Variants in TTC6 observed in about 807,000 individuals in gnomAD.
TTC6 encodes tetratricopeptide repeat domain 6.
TTC6 carries 172 observed loss-of-function variants against 210.4 expected under a neutral mutation model. That is an observed-to-expected ratio of 0.82 (90% confidence interval 0.72 to 0.93). TTC6 has a LOEUF of 0.93. Among genes scored for constraint, TTC6 ranks in the 40% least tolerant of loss-of-function variants. The probability of loss-of-function intolerance (pLI) is 0.00; values close to 1 mark genes in which losing one functional copy is unlikely to be tolerated. For synonymous variants in TTC6, 804 were observed against 819.6 expected (o/e 0.98, Z 0.32); for missense variants, 2,414 against 2,318.1 (o/e 1.04, Z -0.85).
intron 1 of TTC6, among the ~76,000 whole-genome samples, chr14:37,643,384 G>C (rs551138600): frequency 6.6e-6 from 1 of 152,228 alleles, no homozygotes; most frequent in Admixed American, 6.5e-5. Flanking sequence ...TCTGTGGTGA[G>C]TTTTAGGGTC....
chr14:37,633,873 C>A (rs919478757), intron 1 of TTC6, among the ~76,000 whole-genome samples: 1 of 152,156 alleles, frequency 6.6e-6, no homozygotes, highest in African/African-American at 2.4e-5. Context: ...AACAAGGAGG[C>A]CCCCATCCCT....
At chr14:37,745,238 C>T (rs892455749) in intron 10 of TTC6, among the ~76,000 whole-genome samples, 8 of 152,152 alleles carry the variant, frequency 5.3e-5, no homozygotes, top group African/African-American at 1.9e-4. Flanking sequence ...ACATCTGGAA[C>T]TAAAGCTGTA....
At chr14:37,699,684 G>A (rs917883744) in intron 4 of TTC6, among the ~76,000 whole-genome samples, 1 of 152,166 alleles carries the variant, frequency 6.6e-6, no homozygotes, top group Admixed American at 6.5e-5. Flanking sequence ...CTGGCAGTGA[G>A]GATGGAGAAG....
chr14:37,716,245 T>C (rs1218684593), intron 6 of TTC6, among the ~76,000 whole-genome samples: 2 of 152,026 alleles, frequency 1.3e-5, no homozygotes, highest in Non-Finnish European at 2.9e-5. Context: ...AATTCTAAAA[T>C]ATGTTCAAGT....
At chr14:37,660,243 A>G (rs1438045261) in intron 1 of TTC6, among the ~76,000 whole-genome samples, 1 of 150,842 alleles carries the variant, frequency 6.6e-6, no homozygotes, top group East Asian at 2.0e-4. Context: ...TTTAATTTTT[A>G]GTTCTGGGAT....
At chr14:37,681,960 T>C (rs1382586967) in intron 2 of TTC6, among the ~76,000 whole-genome samples, 1 of 152,150 alleles carries the variant, frequency 6.6e-6, no homozygotes, top group African/African-American at 2.4e-5. Flanking sequence ...GTCATGTAGC[T>C]GTTTGTGGCC....
intron 14 of TTC6, among the ~76,000 whole-genome samples, chr14:37,773,864 C>A (rs1458545756): frequency 3.3e-5 from 5 of 152,130 alleles, no homozygotes; most frequent in African/African-American, 1.2e-4. Flanking sequence ...ACCATTTTAA[C>A]AATGTTGATT....
chr14:37,748,965 G>A (rs1566928679), exon 11 of TTC6: 17 of 1,523,224 alleles, frequency 1.1e-5, no homozygotes, highest in Non-Finnish European at 1.5e-5. Flanking sequence ...ATACTTCCGG[G>A]ACAGAAGAAA....
intron 17 of TTC6, among the ~76,000 whole-genome samples, chr14:37,793,325 T>C (rs1402502883): frequency 6.6e-6 from 1 of 152,176 alleles, no homozygotes; most frequent in Non-Finnish European, 1.5e-5. Flanking sequence ...TCAGCCAGGA[T>C]AAGCTAGGCT....
chr14:37,691,623 G>C (rs2095803740), intron 3 of TTC6, among the ~76,000 whole-genome samples: 1 of 151,884 alleles, frequency 6.6e-6, no homozygotes, highest in Admixed American at 6.6e-5. Context: ...ATCTAATGAT[G>C]GATCTTAAAG....
intron 1 of TTC6, among the ~76,000 whole-genome samples, chr14:37,657,387 CA>C (rs948336357): frequency 7.1e-6 from 1 of 141,498 alleles, no homozygotes; most frequent in Non-Finnish European, 1.5e-5. Context: ...TCAAATAAAA[CA>C]AAAAAATCTT....
intron 20 of TTC6, among the ~76,000 whole-genome samples, chr14:37,799,965 A>G (rs1267463858): frequency 1.3e-5 from 2 of 152,162 alleles, no homozygotes; most frequent in Non-Finnish European, 2.9e-5. Context: ...CTCCTGTGAG[A>G]TAAGAAATGT....
chr14:37,823,919 T>G, exon 27 of TTC6: 1 of 1,613,946 alleles, frequency 6.2e-7, no homozygotes, highest in Non-Finnish European at 8.5e-7. Context: ...TAATCCAGCA[T>G]ACATAAAAGC....
At chr14:37,790,018 G>A (rs922319023) in intron 15 of TTC6, among the ~76,000 whole-genome samples, 17 of 152,176 alleles carry the variant, frequency 1.1e-4, no homozygotes, top group African/African-American at 4.1e-4. Context: ...ATCAGTAGGC[G>A]AGAGACATGA....
intron 5 of TTC6, among the ~76,000 whole-genome samples, chr14:37,704,712 A>T (rs1166901722): frequency 6.6e-6 from 1 of 151,856 alleles, no homozygotes; most frequent in South Asian, 2.1e-4. Flanking sequence ...GCTATCAGAA[A>T]TTTTTTAATG....
rs2095748821 is a variant in TTC6 at position 37,666,694 on chromosome 14, AC to A, written c.940-13452del. Among the ~76,000 whole-genome samples the A allele has an allele frequency of 1.3e-5, 2 of 149,942 alleles. 1 individual carries two copies. Among genetic ancestry groups the A allele is most frequent in the South Asian group, 4.3e-4 (2 of 4,702 alleles). On this transcript the variant is annotated intron_variant, in intron 1 of 30. Transcript: ENST00000553443. ...CTTGTTTGCTCAATCTGTGAAATTT[AC>A]CCCCTTTTTGTAATTTATTACACAT...
At chr14:37,634,382 A>T (rs2139356077) in intron 1 of TTC6, among the ~76,000 whole-genome samples, 1 of 152,330 alleles carries the variant, frequency 6.6e-6, no homozygotes, top group Middle Eastern at 3.4e-3. Context: ...TGGAGAAGAC[A>T]GAGAAAAGAA....
chr14:37,666,902 C>T (rs1208660299), intron 1 of TTC6, among the ~76,000 whole-genome samples: 1 of 149,666 alleles, frequency 6.7e-6, no homozygotes, highest in Non-Finnish European at 1.5e-5. Flanking sequence ...CATAAAAATA[C>T]TGAAAAAAAA....
chr14:37,801,337 C>A (rs1319719613), intron 20 of TTC6, among the ~76,000 whole-genome samples: 1 of 151,948 alleles, frequency 6.6e-6, no homozygotes, highest in Non-Finnish European at 1.5e-5. Flanking sequence ...CTTTGGGGGA[C>A]CTTGGAATGG....
Sources: allele counts gnomAD v4.1 joint callset (sites outside exome capture counted in the v4.1 genomes callset), GRCh38; gene constraint gnomAD v4.1.1; transcripts MANE v1.5; gene names NCBI Gene and HGNC (gene_info 2026-07-23, HGNC 2026-07-21).